The following HPSE2 variants were observed in gnomAD, a reference collection of about 807,000 sequenced individuals.
HPSE2 encodes the protein inactive heparanase-2.
In HPSE2, 38 loss-of-function variants were observed where a neutral mutation model predicts 60.5. The observed-to-expected ratio is 0.63, with a 90% CI of 0.48 to 0.82. HPSE2 has a LOEUF of 0.82. HPSE2 is among the 40% of genes least tolerant of loss of function. The pLI is 0.00. For synonymous variants in HPSE2, 295 were observed against 293.2 expected (o/e 1.01, Z -0.06); for missense variants, 713 against 740.4 (o/e 0.96, Z 0.43).
At chr10:98,844,040 G>A (rs141173076) in intron 3 of HPSE2, among the ~76,000 whole-genome samples, 1 of 152,170 alleles carries the variant, frequency 6.6e-6, no homozygotes, top group South Asian at 2.1e-4. Flanking sequence ...CCCAGTGGCA[G>A]GGGGCTTATT....
chr10:99,073,214 T>G (rs1842854316), intron 3 of HPSE2, among the ~76,000 whole-genome samples: 1 of 152,096 alleles, frequency 6.6e-6, no homozygotes. Context: ...AGTAAAGACA[T>G]GGAACCATTC....
chr10:98,529,337 G>T (rs1235695005), intron 9 of HPSE2, among the ~76,000 whole-genome samples: 1 of 152,134 alleles, frequency 6.6e-6, no homozygotes, highest in Non-Finnish European at 1.5e-5. Context: ...GATTGATAGT[G>T]ATCTCTATCG....
chr10:98,550,248 C>T (rs770832951), intron 9 of HPSE2, among the ~76,000 whole-genome samples: 12 of 151,978 alleles, frequency 7.9e-5, no homozygotes, highest in Admixed American at 6.6e-5. Context: ...CTTGAATGTC[C>T]CTTTCTCAGG....
chr10:99,298,340 G>A, the HPSE2 span, among the ~76,000 whole-genome samples: 1 of 152,200 alleles, frequency 6.6e-6, no homozygotes, highest in African/African-American at 2.4e-5. Flanking sequence ...TAGAAAGTGG[G>A]AAATGAAAAG....
At chr10:99,214,792 C>T (rs1183869343) in intron 2 of HPSE2, among the ~76,000 whole-genome samples, 1 of 151,626 alleles carries the variant, frequency 6.6e-6, no homozygotes, top group African/African-American at 2.4e-5. Context: ...TGAACAGACA[C>T]TTCTCAAAAG....
intron 9 of HPSE2, among the ~76,000 whole-genome samples, chr10:98,508,182 A>AGT (rs1363579363): frequency 6.6e-6 from 1 of 152,252 alleles, no homozygotes; most frequent in Non-Finnish European, 1.5e-5. Flanking sequence ...GAAGAAAAAT[A>AGT]GTGTCCATTT....
At chr10:98,937,574 A>C (rs1954842564) in intron 3 of HPSE2, among the ~76,000 whole-genome samples, 1 of 144,112 alleles carries the variant, frequency 6.9e-6, no homozygotes, top group Non-Finnish European at 1.5e-5. Context: ...AGGTAAACAA[A>C]GCAGCCTGGA....
intron 9 of HPSE2, among the ~76,000 whole-genome samples, chr10:98,614,535 A>G (rs560149511): frequency 9.0e-4 from 136 of 151,738 alleles, no homozygotes; most frequent in South Asian, 1.7e-3. Context: ...CTCGTGATCC[A>G]CCCGCCTTGG....
intron 5 of HPSE2, among the ~76,000 whole-genome samples, chr10:98,720,611 C>CT (rs1458971851): frequency 6.6e-6 from 1 of 152,104 alleles, no homozygotes; most frequent in Admixed American, 6.6e-5. Context: ...AGAAACCCTA[C>CT]TTTTTGGAAT....
intron 3 of HPSE2, among the ~76,000 whole-genome samples, chr10:98,853,771 TACTA>T (rs1952240079): frequency 1.3e-5 from 2 of 152,188 alleles, no homozygotes; most frequent in South Asian, 2.1e-4. Context: ...CCCTACTTCT[TACTA>T]ACTGTGTGGC....
At chr10:98,910,637 G>A (rs968657398) in intron 3 of HPSE2, among the ~76,000 whole-genome samples, 1 of 152,136 alleles carries the variant, frequency 6.6e-6, no homozygotes, top group Non-Finnish European at 1.5e-5. Flanking sequence ...GCCTGAGAAC[G>A]GGCCCAGAGG....
chr10:99,119,031 G>A (rs1844830625), intron 3 of HPSE2, among the ~76,000 whole-genome samples: 1 of 127,924 alleles, frequency 7.8e-6, no homozygotes, highest in Non-Finnish European at 1.6e-5. Context: ...GAAAGGAAAA[G>A]AAAGAAAGAA....
chr10:99,273,559 A>G, the HPSE2 span, among the ~76,000 whole-genome samples: 1 of 152,206 alleles, frequency 6.6e-6, no homozygotes, highest in Non-Finnish European at 1.5e-5. Context: ...TGGGTTCTAA[A>G]TCTAGGCACT....
chr10:99,021,778 AG>A (rs1957268241), intron 3 of HPSE2, among the ~76,000 whole-genome samples: 2 of 151,036 alleles, frequency 1.3e-5, no homozygotes, highest in African/African-American at 2.4e-5. Context: ...CTCCTCACAC[AG>A]TTATATATGA....
the HPSE2 span, among the ~76,000 whole-genome samples, chr10:99,288,748 C>CAA: frequency 8.9e-3 from 673 of 75,586 alleles, 11 homozygotes; most frequent in South Asian, 0.011. Flanking sequence ...CAGCCTCAAG[C>CAA]AAAAAAAAAA....
At chr10:99,072,467 C>A (rs531854786) in intron 3 of HPSE2, among the ~76,000 whole-genome samples, 3 of 152,100 alleles carry the variant, frequency 2.0e-5, no homozygotes, top group African/African-American at 4.8e-5. Flanking sequence ...AAAGAACAAC[C>A]AACCCCATTA....
At chr10:98,975,071 C>T (rs1327642224) in intron 3 of HPSE2, among the ~76,000 whole-genome samples, 1 of 152,146 alleles carries the variant, frequency 6.6e-6, no homozygotes, top group East Asian at 1.9e-4. Flanking sequence ...TAAGGGTGTT[C>T]TTCTAATTTA....
In HPSE2 at chr10:99,160,076, G is replaced by A. The variant is rs569233805; in HGVS notation, c.449-15677C>T. Among the ~76,000 whole-genome samples, 14 of 150,996 alleles carry A rather than the reference G, an allele frequency of 9.3e-5. No homozygotes were observed. The South Asian group carries it at 2.9e-3, about 32-fold the overall frequency. On this transcript the variant is annotated intron_variant, in intron 2 of 11. Coordinates refer to ENST00000370552, the MANE Select transcript of HPSE2 (RefSeq NM_021828.5). The stretch of plus-strand genomic sequence containing the variant: ...GAATCACTTGAACCTGGGAGGCGAA[G>A]GTTGCAGTCAGCCAAGAATGCACCA...
chr10:98,890,705 C>T (rs902034693), intron 3 of HPSE2, among the ~76,000 whole-genome samples: 5 of 152,066 alleles, frequency 3.3e-5, no homozygotes, highest in African/African-American at 9.7e-5. Context: ...TTAATAACTG[C>T]TAGTTTTAAC....
Sources: gnomAD v4.1 joint callset for allele counts (sites outside exome capture counted in the v4.1 genomes callset) on GRCh38, gnomAD v4.1.1 for gene constraint, MANE v1.5 for transcripts, NCBI Gene and HGNC (gene_info 2026-07-23, HGNC 2026-07-21) for gene names.